The following KIF14 variants were observed in gnomAD, a reference collection of about 807,000 sequenced individuals.
KIF14 encodes kinesin family member 14, also known as kinesin-like protein KIF14.
Under a neutral mutation model 176.2 loss-of-function variants are expected in KIF14, and 98 were observed. That is an observed-to-expected ratio of 0.56 (90% confidence interval 0.47 to 0.66). KIF14 has a LOEUF of 0.66. KIF14 is among the 30% of genes least tolerant of loss of function. The probability of loss-of-function intolerance (pLI) is 0.00; values close to 1 mark genes in which losing one functional copy is unlikely to be tolerated. For synonymous variants in KIF14, 566 were observed against 632.2 expected (o/e 0.90, Z 1.57); for missense variants, 1,751 against 1,920.4 (o/e 0.91, Z 1.65).
chr1:200,597,431 A>G (rs1659409947), intron 14 of KIF14, among the ~76,000 whole-genome samples: 1 of 152,228 alleles, frequency 6.6e-6, no homozygotes, highest in Non-Finnish European at 1.5e-5. Flanking sequence ...ACAATAGTAA[A>G]CAAAAATGGC....
At chr1:200,583,230 T>A (rs79673322) in intron 19 of KIF14, among the ~76,000 whole-genome samples, 38,719 of 151,578 alleles carry the variant, frequency 0.26, 6,219 homozygotes, top group African/African-American at 0.45. Context: ...GTTTTTTTTT[T>A]AAAAAAAGGA....
intron 6 of KIF14, among the ~76,000 whole-genome samples, chr1:200,606,360 C>T (rs1309031584): frequency 6.6e-6 from 1 of 152,168 alleles, no homozygotes; most frequent in African/African-American, 2.4e-5. Flanking sequence ...AAACTCTTAA[C>T]TCTTCTTAGT....
In KIF14 at chr1:200,590,164, A is replaced by G. The variant is rs1658980566; in HGVS notation, c.2922T>C (p.Ala974=). The G allele has an allele frequency of 6.2e-7, 1 of 1,611,888 alleles. No homozygotes were observed. The stretch of plus-strand genomic sequence containing the variant: ...GTGCTTTTATTTTGCTTTCATATGC[A>G]GCTTTTTGAGAAGAAAGCTCTTGCT... ...MAQQELSSQK[A]AYESKIKALE... is the part of the protein sequence containing the mutation. Residue 974 remains alanine (A), a synonymous_variant, in exon 17 of 30, where the codon GCT becomes GCC. Coordinates refer to ENST00000367350, the MANE Select transcript of KIF14 (RefSeq NM_014875.3).
intron 23 of KIF14, among the ~76,000 whole-genome samples, chr1:200,567,390 A>T (rs12077480): frequency 0.15 from 23,118 of 151,556 alleles, 2,253 homozygotes; most frequent in East Asian, 0.39. Flanking sequence ...AAATATTTTT[A>T]AAAAATTAGC....
At chr1:200,563,226 G>C (rs1657257757) in intron 25 of KIF14, among the ~76,000 whole-genome samples, 1 of 152,134 alleles carries the variant, frequency 6.6e-6, no homozygotes. Context: ...TGCAATAATA[G>C]AATGTGGAAA....
intron 18 of KIF14, among the ~76,000 whole-genome samples, chr1:200,587,522 A>C (rs1055127173): frequency 9.2e-5 from 14 of 152,132 alleles, no homozygotes; most frequent in African/African-American, 3.1e-4. Context: ...CAATAATAAT[A>C]ATTGTTTTGG....
chr1:200,575,539 A>G, intron 22 of KIF14, 52 bp downstream of exon 22: 3 of 927,226 alleles, frequency 3.2e-6, no homozygotes, highest in Non-Finnish European at 5.0e-6. Flanking sequence ...ACACACACAC[A>G]CACACATGCA....
At chr1:200,595,804 T>C (rs1360470247) in intron 14 of KIF14, among the ~76,000 whole-genome samples, 4 of 149,810 alleles carry the variant, frequency 2.7e-5, no homozygotes, top group Non-Finnish European at 3.0e-5. Context: ...AAAAACTAGC[T>C]GGGCATGGTG....
chr1:200,573,146 T>C (rs149237077), intron 22 of KIF14, among the ~76,000 whole-genome samples: 2 of 152,190 alleles, frequency 1.3e-5, no homozygotes, highest in African/African-American at 4.8e-5. Context: ...AGCCCGATGT[T>C]GTCAATCATG....
intron 22 of KIF14, among the ~76,000 whole-genome samples, chr1:200,573,436 T>C (rs1012642380): frequency 7.6e-6 from 1 of 131,320 alleles, no homozygotes; most frequent in Non-Finnish European, 1.6e-5. Flanking sequence ...TCTTTTTTTT[T>C]TTTTTTTTTT....
chr1:200,561,307 G>A (rs1243663989), intron 25 of KIF14, among the ~76,000 whole-genome samples: 1 of 151,738 alleles, frequency 6.6e-6, no homozygotes, highest in Non-Finnish European at 1.5e-5. Context: ...TTCGGAGGCC[G>A]AGGCAGGCAG....
intron 21 of KIF14, among the ~76,000 whole-genome samples, chr1:200,578,072 G>A (rs1170559442): frequency 6.6e-6 from 1 of 151,738 alleles, no homozygotes; most frequent in Non-Finnish European, 1.5e-5. Context: ...TTATTTGTAG[G>A]AAATTGTTAA....
In KIF14 at chr1:200,581,185, A is replaced by T; in HGVS notation, c.3335+16T>A. 2 of 1,415,104 alleles carry T rather than the reference A, an allele frequency of 1.4e-6. No homozygotes were observed. The highest frequency in any genetic ancestry group is 2.0e-6 in the Non-Finnish European group (2 of 1,023,022). 87.7% of individuals were successfully genotyped at this position (1,415,104 alleles called of 1,614,324 possible). Reference sequence around the variant, plus strand: ...CTTGTTTAAAACATTTAAAATCAGGATAATTAATTACTCACCTGCCAAAAA... The same window carrying T: ...CTTGTTTAAAACATTTAAAATCAGGTTAATTAATTACTCACCTGCCAAAAA... On this transcript the variant is annotated intron_variant, in intron 20 of 29. Transcript: ENST00000367350.
intron 22 of KIF14, among the ~76,000 whole-genome samples, chr1:200,574,521 A>G (rs1029250421): frequency 3.9e-5 from 6 of 152,182 alleles, no homozygotes; most frequent in African/African-American, 1.4e-4. Flanking sequence ...GTTTTTATCA[A>G]CTGCTCCTGC....
chr1:200,606,136 G>C (rs1219384772), intron 6 of KIF14, among the ~76,000 whole-genome samples: 2 of 151,972 alleles, frequency 1.3e-5, no homozygotes, highest in African/African-American at 4.8e-5. Flanking sequence ...AAGCACCTTA[G>C]CATCTTAATA....
chr1:200,620,342 A>C (rs1211243998), intron 1 of KIF14, 69 bp downstream of exon 1: 1 of 152,244 alleles, frequency 6.6e-6, no homozygotes, highest in Non-Finnish European at 1.5e-5. Flanking sequence ...AGCACAATCC[A>C]AACCAAAACA....
chr1:200,557,034 T>G (rs1656869735), intron 27 of KIF14, among the ~76,000 whole-genome samples: 1 of 152,176 alleles, frequency 6.6e-6, no homozygotes, highest in Non-Finnish European at 1.5e-5. Context: ...AGACAGAGTC[T>G]TGCTCTGTTG....
At chr1:200,560,241 C>G (rs947206429) in intron 26 of KIF14, among the ~76,000 whole-genome samples, 2 of 151,160 alleles carry the variant, frequency 1.3e-5, no homozygotes, top group African/African-American at 4.9e-5. Flanking sequence ...CAAAATAATC[C>G]AATATATTTA....
intron 13 of KIF14, among the ~76,000 whole-genome samples, chr1:200,599,588 A>G (rs1167170076): frequency 3.3e-5 from 5 of 152,204 alleles, no homozygotes; most frequent in African/African-American, 1.2e-4. Flanking sequence ...GTTCAACCAT[A>G]TGAAACTGCC....
Sources: gnomAD v4.1 joint callset for allele counts (sites outside exome capture counted in the v4.1 genomes callset) on GRCh38, gnomAD v4.1.1 for gene constraint, MANE v1.5 for transcripts, NCBI Gene and HGNC (gene_info 2026-07-23, HGNC 2026-07-21) for gene names.